The following PRMT9 variants were observed in gnomAD, a reference collection of about 807,000 sequenced individuals.
The protein encoded by PRMT9 is protein arginine N-methyltransferase 9.
A neutral mutation model predicts 83.2 loss-of-function variants in PRMT9; 59 were observed. The observed-to-expected ratio is 0.71, with a 90% CI of 0.57 to 0.88. The LOEUF (loss-of-function observed/expected upper bound fraction) is 0.88, where lower values mean the gene tolerates loss of function less well. Ranked by LOEUF, PRMT9 falls within the 40% of genes least tolerant of loss-of-function variation. The pLI, the probability that PRMT9 is intolerant of heterozygous loss-of-function variation, is 0.00. For synonymous variants in PRMT9, 333 were observed against 353.2 expected (o/e 0.94, Z 0.64); for missense variants, 947 against 1,021.9 (o/e 0.93, Z 1.00).
At chr4:147,646,022 A>C (rs920040766) in intron 9 of PRMT9, among the ~76,000 whole-genome samples, 3 of 152,172 alleles carry the variant, frequency 2.0e-5, no homozygotes, top group African/African-American at 4.8e-5. Flanking sequence ...ACTTTTTGTC[A>C]TAATAGGTAG....
chr4:147,658,623 C>T (rs549741414), intron 7 of PRMT9, among the ~76,000 whole-genome samples: 5 of 152,126 alleles, frequency 3.3e-5, no homozygotes, highest in South Asian at 4.1e-4. Flanking sequence ...AAGGATAGTT[C>T]GGGGGTAAAT....
chr4:147,659,553 T>C (rs1734791643), intron 7 of PRMT9, among the ~76,000 whole-genome samples: 1 of 150,982 alleles, frequency 6.6e-6, no homozygotes, highest in African/African-American at 2.4e-5. Flanking sequence ...ATGTAACCTT[T>C]CCAATTTCTT....
intron 4 of PRMT9, among the ~76,000 whole-genome samples, 189 bp from the exon 5 acceptor site, chr4:147,670,932 C>T (rs1048140680): frequency 1.3e-5 from 2 of 152,084 alleles, no homozygotes; most frequent in South Asian, 4.1e-4. Flanking sequence ...CCTTAAGCTC[C>T]TTTGTTCTCC....
intron 9 of PRMT9, 63 bp downstream of exon 9, chr4:147,653,789 A>T: frequency 8.8e-7 from 1 of 1,132,982 alleles, no homozygotes; most frequent in African/African-American, 1.6e-5. Context: ...GAACTTAAGG[A>T]ATTTACATAA....
intron 8 of PRMT9, among the ~76,000 whole-genome samples, chr4:147,655,198 C>CT (rs1192153365): frequency 6.6e-6 from 1 of 152,228 alleles, no homozygotes; most frequent in Non-Finnish European, 1.5e-5. Context: ...AGATCTCACT[C>CT]TGTCACCCAG....
In PRMT9 at chr4:147,673,843, A is replaced by T; in HGVS notation, c.370T>A (p.Phe124Ile). The change falls in exon 3 of 12, where the codon TTT (phenylalanine) becomes ATT (isoleucine). Residue 124 changes from phenylalanine (F) to isoleucine (I), a missense_variant. Physicochemically the swap from Phe to Ile is conservative, Grantham distance 21. Coordinates refer to ENST00000322396, the MANE Select transcript of PRMT9 (RefSeq NM_138364.4). ...GGGTTTAGCTTCACTGCTTTATGAAAATACCCAGCTGCTTCATCCCTAAAG... is the reference window on the plus strand; with the variant it reads ...GGGTTTAGCTTCACTGCTTTATGAATATACCCAGCTGCTTCATCCCTAAAG... ...MGFRDEAAGYFHKAVKLNPDF... is the reference protein window; with the variant it reads ...MGFRDEAAGYIHKAVKLNPDF... 1 of 1,614,162 alleles carries T rather than the reference A, an allele frequency of 6.2e-7. No individual in the cohort carries two copies. Among genetic ancestry groups the T allele is most frequent in the African/African-American group, 1.3e-5 (1 of 75,070 alleles).
intron 8 of PRMT9, among the ~76,000 whole-genome samples, chr4:147,656,767 G>A (rs550814693): frequency 4.5e-5 from 3 of 66,906 alleles, no homozygotes; most frequent in Non-Finnish European, 6.0e-5. Flanking sequence ...GCGAGACTCT[G>A]TCTCAAAAAA....
At chr4:147,638,875 T>C (rs1000606159) in intron 11 of PRMT9, 85 bp downstream of exon 11, 1 of 1,410,904 alleles carries the variant, frequency 7.1e-7, no homozygotes, top group Non-Finnish European at 9.9e-7. Context: ...TTAAAGTAGC[T>C]AAAAGTATGT....
At chr4:147,658,223 C>T (rs1198137858) in intron 7 of PRMT9, among the ~76,000 whole-genome samples, 1 of 150,510 alleles carries the variant, frequency 6.6e-6, no homozygotes, top group Non-Finnish European at 1.5e-5. Context: ...GAAAGAAGTC[C>T]ATAATATATT....
Position 147,670,716 on chromosome 4 carries a change from G to A in PRMT9, c.771C>T (p.Val257=), listed in dbSNP as rs1342970670. Residue 257 remains valine, a synonymous_variant, in exon 5 of 12, where the codon GTC becomes GTT. Transcript: ENST00000322396. ...ERVSLVVTET[V]DAGLFGEGIV... Reference sequence around the variant, plus strand: ...TTCCTTCTCCAAATAAACCTGCATCGACAGTTTCTGTTACAACTAGGGACA... The same window carrying A: ...TTCCTTCTCCAAATAAACCTGCATCAACAGTTTCTGTTACAACTAGGGACA... 5.0e-6 allele frequency: 8 copies of A among 1,612,104 alleles called. No homozygotes were observed. Among genetic ancestry groups the A allele is most frequent in the Admixed American group, 3.3e-5 (2 of 60,006 alleles).
At chr4:147,646,721 T>C (rs1560969792) in intron 9 of PRMT9, among the ~76,000 whole-genome samples, 1 of 152,120 alleles carries the variant, frequency 6.6e-6, no homozygotes. Context: ...TCAGACACCT[T>C]TTGAGTGTAC....
rs146294924 is a variant in PRMT9, at chr4:147,655,549, T to C, written c.1331-983A>G. Among the ~76,000 whole-genome samples, 9 of 152,284 alleles carry C rather than the reference T, an allele frequency of 5.9e-5. No homozygotes were observed. In the East Asian group the frequency reaches 1.5e-3, roughly 26 times the overall value. Reference sequence around the variant, plus strand: ...AACCAGTTGAAAATACAAATTGTTATACTTTTTTGGGTTTTTTGGAGACAG... The same window carrying C: ...AACCAGTTGAAAATACAAATTGTTACACTTTTTTGGGTTTTTTGGAGACAG... On this transcript the variant is annotated intron_variant, in intron 8 of 11. Coordinates refer to ENST00000322396, the MANE Select transcript of PRMT9 (RefSeq NM_138364.4).
At chr4:147,664,724 G>A (rs890066535) in intron 6 of PRMT9, among the ~76,000 whole-genome samples, 2 of 151,936 alleles carry the variant, frequency 1.3e-5, no homozygotes, top group Admixed American at 6.6e-5. Flanking sequence ...TGATAGGTGC[G>A]GCAAACCACC....
At chr4:147,672,063 G>A (rs1405910333) in intron 4 of PRMT9, 20 of 345,598 alleles carry the variant, frequency 5.8e-5, no homozygotes, top group Non-Finnish European at 9.1e-5. Flanking sequence ...GTGGTATTTC[G>A]TTATGGCAGC....
chr4:147,667,948 T>TA (rs745693543), intron 6 of PRMT9, among the ~76,000 whole-genome samples: 12 of 146,548 alleles, frequency 8.2e-5, no homozygotes, highest in Admixed American at 2.7e-4. Flanking sequence ...AATTTTCCAT[T>TA]AAAAAAAAAC....
rs202192336 is a variant in PRMT9, at chr4:147,657,746, A to G, written c.1330+46T>C. 8 of 1,442,650 alleles carry G rather than the reference A, an allele frequency of 5.5e-6. No homozygotes were observed. The Admixed American group carries it at 6.8e-5, about 12-fold the overall frequency. 89.4% of individuals were successfully genotyped at this position (1,442,650 alleles called of 1,614,324 possible). On this transcript the variant is annotated intron_variant, in intron 8 of 11. Transcript: ENST00000322396. ...TTTTTTGCCACTGACTTGAATACTT[A>G]GAAGATTAAAGCAAGAGGTTAAAAA...
chr4:147,670,075 T>C (rs1378518605), intron 5 of PRMT9, among the ~76,000 whole-genome samples: 2 of 152,242 alleles, frequency 1.3e-5, no homozygotes, highest in Non-Finnish European at 2.9e-5. Flanking sequence ...TCTCAATTCC[T>C]ATGAATTCTT....
Position 147,657,782 on chromosome 4 carries a change from C to A in PRMT9, c.1330+10G>T, listed in dbSNP as rs766004162. On this transcript the variant is annotated intron_variant, in intron 8 of 11. Coordinates refer to ENST00000322396, the MANE Select transcript of PRMT9 (RefSeq NM_138364.4). The stretch of plus-strand genomic sequence containing the variant: ...GCAAGAGGTTAAAAAAAAAAATGGA[C>A]AAGACCTACCTGCAAGGTCCTGTAC... The A allele has an allele frequency of 3.7e-6, 6 of 1,608,264 alleles. No individual in the cohort carries two copies. The highest frequency in any genetic ancestry group is 4.3e-6 in the Non-Finnish European group (5 of 1,176,318).
intron 8 of PRMT9, 26 bp downstream of exon 8, chr4:147,657,766 T>TAAA: frequency 7.9e-7 from 1 of 1,269,662 alleles, no homozygotes; most frequent in Non-Finnish European, 1.1e-6. Context: ...AGCAAGAGGT[T>TAAA]AAAAAAAAAA....
Sources: gnomAD v4.1 joint callset for allele counts (sites outside exome capture counted in the v4.1 genomes callset) on GRCh38, gnomAD v4.1.1 for gene constraint, MANE v1.5 for transcripts, NCBI Gene and HGNC (gene_info 2026-07-23, HGNC 2026-07-21) for gene names.